The following ZBTB46 variants were observed in gnomAD, a reference collection of about 807,000 sequenced individuals.
The protein encoded by ZBTB46 is zinc finger and BTB domain-containing protein 46.
In ZBTB46, 8 loss-of-function variants were observed where a neutral mutation model predicts 44.1. The ratio of observed to expected loss-of-function variants is 0.18; its 90% CI spans 0.11 to 0.33. The LOEUF (loss-of-function observed/expected upper bound fraction) is 0.33. Ranked by LOEUF, ZBTB46 falls within the 10% of genes least tolerant of loss-of-function variation. ZBTB46 has a pLI of 1.00. For synonymous variants in ZBTB46, 409 were observed against 382.3 expected, an observed-to-expected ratio of 1.07 and a Z score of -0.81; for missense variants, 651 against 847.7, an observed-to-expected ratio of 0.77 and a Z score of 2.88.
chr20:63,820,164 G>A (rs2092783172), intron 1 of ZBTB46, among the ~76,000 whole-genome samples: 1 of 152,032 alleles, frequency 6.6e-6, no homozygotes, highest in Non-Finnish European at 1.5e-5. Flanking sequence ...CACGATTTCG[G>A]CTCACTGCAA....
intron 3 of ZBTB46, among the ~76,000 whole-genome samples, chr20:63,775,056 A>G (rs1353052418): frequency 6.6e-6 from 1 of 152,140 alleles, no homozygotes; most frequent in Non-Finnish European, 1.5e-5. Context: ...TCAGGAAGTC[A>G]GTCAGTCTGG....
chr20:63,747,120 A>G lies in ZBTB46; in HGVS notation c.1580T>C (p.Leu527Pro), dbSNP rs372390018. 1 of 1,610,172 alleles carries G rather than the reference A, an allele frequency of 6.2e-7. No homozygotes were observed. The highest frequency in any genetic ancestry group is 8.5e-7 in the Non-Finnish European group (1 of 1,179,432). ...GGGGEGSPEA[L>P]FPGDGPYLED... ...CAGATAGGGCCCGTCGCCTGGGAAC[A>G]GCGCCTCTGGAGAGCCCTCGCCGCC... The change falls in exon 5 of 5, where the codon CTG becomes CCG. Residue 527 changes from leucine to proline, a missense_variant. Physicochemically the swap from Leu to Pro is moderately conservative, Grantham distance 98. Transcript: ENST00000245663.
chr20:63,807,012 G>A (rs1489717481), intron 1 of ZBTB46, among the ~76,000 whole-genome samples: 1 of 152,158 alleles, frequency 6.6e-6, no homozygotes, highest in Non-Finnish European at 1.5e-5. Flanking sequence ...GCGATCTCCT[G>A]ACCTCATGAT....
chr20:63,801,699 A>G (rs1001124316), intron 1 of ZBTB46, among the ~76,000 whole-genome samples: 2 of 152,132 alleles, frequency 1.3e-5, no homozygotes, highest in African/African-American at 4.8e-5. Context: ...AACTCCAAAC[A>G]CGTCTGAACA....
intron 4 of ZBTB46, among the ~76,000 whole-genome samples, chr20:63,751,609 C>T (rs962789521): frequency 2.0e-5 from 3 of 151,776 alleles, no homozygotes; most frequent in Admixed American, 2.0e-4. Flanking sequence ...CTCTGGCGCT[C>T]GGTTCCGCCC....
At chr20:63,756,216 C>T (rs1241362795) in intron 3 of ZBTB46, among the ~76,000 whole-genome samples, 5 of 152,220 alleles carry the variant, frequency 3.3e-5, no homozygotes, top group Non-Finnish European at 7.3e-5. Flanking sequence ...CGGACCTGTC[C>T]TAAATAGCCA....
chr20:63,814,566 A>G (rs1323966556), intron 1 of ZBTB46, among the ~76,000 whole-genome samples: 2 of 151,952 alleles, frequency 1.3e-5, no homozygotes, highest in Non-Finnish European at 2.9e-5. Context: ...GGGGGAGAGA[A>G]CCCCAAGACC....
intron 3 of ZBTB46, 107 bp downstream of exon 3, chr20:63,775,571 A>G (rs948992552): frequency 1.4e-6 from 2 of 1,428,440 alleles, no homozygotes; most frequent in Non-Finnish European, 1.9e-6. Context: ...CAGGCGGCCG[A>G]GCAGCAGGGA....
chr20:63,762,609 G>A (rs1003593076), intron 3 of ZBTB46, among the ~76,000 whole-genome samples: 25 of 151,908 alleles, frequency 1.6e-4, no homozygotes, highest in Admixed American at 2.6e-4. Context: ...AGCCGAGATC[G>A]CGCCACTGCA....
intron 1 of ZBTB46, among the ~76,000 whole-genome samples, chr20:63,808,473 GC>G (rs957157253): frequency 3.3e-5 from 5 of 152,124 alleles, no homozygotes; most frequent in Admixed American, 1.3e-4. Flanking sequence ...TCAGCCCCGG[GC>G]CCGGCGGGAG....
Position 63,803,522 on chromosome 20 carries a change from T to A in ZBTB46, c.-33-12732A>T. On this transcript the variant is annotated intron_variant, in intron 1 of 4. Transcript: ENST00000245663. This position sits in a 1 kb window ranked among gnomAD's most constrained non-coding sequence, Gnocchi z 4.0. ...CCACATGGCAGCCCCCATGTGGCCATCTGAAGATGCAAAGCCATGTCTGCC... is the reference window on the plus strand; with the variant it reads ...CCACATGGCAGCCCCCATGTGGCCAACTGAAGATGCAAAGCCATGTCTGCC... The A allele has an allele frequency of 1.0e-6, 1 of 985,204 alleles. No individual in the cohort carries two copies. 61.0% of individuals were successfully genotyped at this position (985,204 alleles called of 1,614,324 possible).
In ZBTB46 at chr20:63,746,857, G is replaced by A. The variant is rs146339881; in HGVS notation, c.*73C>T. 11 of 1,427,522 alleles carry A rather than the reference G, an allele frequency of 7.7e-6. No homozygotes were observed. Among genetic ancestry groups the A allele is most frequent in the African/African-American group, 7.3e-5 (5 of 68,432 alleles). 88.4% of individuals were successfully genotyped at this position (1,427,522 alleles called of 1,614,324 possible). A position where few individuals can be genotyped will look rare whatever the true frequency, so the allele number is the denominator to read the frequency against. On this transcript the variant is annotated 3_prime_UTR_variant, in exon 5 of 5. Coordinates refer to ENST00000245663, the MANE Select transcript of ZBTB46 (RefSeq NM_001369741.1). ...GAGGGGTGAGCGTGGCCCTGGCCCCGCAGTGGAGACCCACCGGACACACAC... is the reference window on the plus strand; with the variant it reads ...GAGGGGTGAGCGTGGCCCTGGCCCCACAGTGGAGACCCACCGGACACACAC...
At chr20:63,793,952 C>T (rs1468409700) in intron 1 of ZBTB46, among the ~76,000 whole-genome samples, 5 of 152,014 alleles carry the variant, frequency 3.3e-5, no homozygotes, top group Admixed American at 2.0e-4. Context: ...TTTGGGAGGC[C>T]GAGGCGGGTG....
intron 3 of ZBTB46, among the ~76,000 whole-genome samples, chr20:63,755,254 C>T (rs550210995): frequency 3.3e-5 from 5 of 152,352 alleles, no homozygotes; most frequent in Admixed American, 2.6e-4. Context: ...CACCACAAAG[C>T]GTGAGGCTCA....
Position 63,790,743 on chromosome 20 carries a change from C to A in ZBTB46, c.15G>T (p.Lys5Asn). The A allele has an allele frequency of 6.2e-7, 1 of 1,603,470 alleles. No homozygotes were observed. Among genetic ancestry groups the A allele is most frequent in the Non-Finnish European group, 8.5e-7 (1 of 1,175,478 alleles). Reference protein sequence around the residue: MNNRKEDMEITSHYR... With the variant: MNNRNEDMEITSHYR... ...AGTGGGACGTGATTTCCATATCTTC[C>A]TTTCGGTTGTTCATTTGGAAGCCCT... The change falls in exon 2 of 5, where the codon AAG becomes AAT. Residue 5 changes from lysine to asparagine, a missense_variant. Physicochemically the swap from Lys to Asn is moderately conservative, Grantham distance 94 (BLOSUM62 0). This residue lies in a region of ZBTB46 where 65 missense variants were observed against 167.9 expected (regional missense o/e 0.39). Coordinates refer to ENST00000245663, the MANE Select transcript of ZBTB46 (RefSeq NM_001369741.1).
At chr20:63,754,196 T>A (rs2092198103) in intron 3 of ZBTB46, among the ~76,000 whole-genome samples, 1 of 152,122 alleles carries the variant, frequency 6.6e-6, no homozygotes, top group Non-Finnish European at 1.5e-5. Flanking sequence ...CCGCCGCACA[T>A]CCCCCGAGTG....
chr20:63,811,560 G>A (rs1208080361), intron 1 of ZBTB46, among the ~76,000 whole-genome samples: 1 of 152,162 alleles, frequency 6.6e-6, no homozygotes, highest in Non-Finnish European at 1.5e-5. Context: ...GAAGATCTCG[G>A]GGGTGCAGAG....
At chr20:63,794,161 G>A (rs1028504150) in intron 1 of ZBTB46, among the ~76,000 whole-genome samples, 1 of 149,530 alleles carries the variant, frequency 6.7e-6, no homozygotes, top group Non-Finnish European at 1.5e-5. Flanking sequence ...ACTCCATCCA[G>A]CCTGGGTGAC....
chr20:63,811,813 CA>C (rs1232544882), intron 1 of ZBTB46, among the ~76,000 whole-genome samples: 2 of 152,188 alleles, frequency 1.3e-5, no homozygotes, highest in African/African-American at 4.8e-5. Flanking sequence ...CCAACTCTGC[CA>C]TAAGACAAAA....
Sources: allele counts gnomAD v4.1 joint callset (sites outside exome capture counted in the v4.1 genomes callset), GRCh38; gene constraint gnomAD v4.1.1; regional missense constraint gnomAD v4.1.1; non-coding constraint Gnocchi (gnomAD v3.1); transcripts MANE v1.5; gene names NCBI Gene and HGNC (gene_info 2026-07-23, HGNC 2026-07-21).